The following FAM227A variants were observed in gnomAD, a reference collection of about 807,000 sequenced individuals.
FAM227A encodes protein FAM227A.
FAM227A carries 80 observed loss-of-function variants against 74.7 expected under a neutral mutation model. The observed-to-expected ratio is 1.07, with a 90% CI of 0.89 to 1.29. The LOEUF (loss-of-function observed/expected upper bound fraction) is 1.29. Ranked by LOEUF, FAM227A falls within the 50% of genes most tolerant of loss-of-function variation. The pLI, the probability that FAM227A is intolerant of heterozygous loss-of-function variation, is 0.00. For synonymous variants in FAM227A, 237 were observed against 241.8 expected, an observed-to-expected ratio of 0.98 and a Z score of 0.19; for missense variants, 654 against 683.4, an observed-to-expected ratio of 0.96 and a Z score of 0.48.
intron 8 of FAM227A, among the ~76,000 whole-genome samples, chr22:38,626,891 A>AAAAAATATATAT (rs1555966996): frequency 2.4e-4 from 14 of 57,686 alleles, no homozygotes; most frequent in African/African-American, 1.1e-3. Flanking sequence ...AAAAAAAAAA[A>AAAAAATATATAT]ATATATATAT....
intron 11 of FAM227A, among the ~76,000 whole-genome samples, chr22:38,608,155 C>CAAAAAAAAA (rs35387385): frequency 1.3e-5 from 1 of 76,926 alleles, no homozygotes; most frequent in African/African-American, 4.7e-5. Flanking sequence ...CTTTTCTCTA[C>CAAAAAAAAA]AAAAAAAAAA....
intron 5 of FAM227A, 84 bp downstream of exon 5, chr22:38,638,662 A>C: frequency 1.0e-6 from 1 of 999,458 alleles, no homozygotes; most frequent in South Asian, 1.4e-5. Context: ...CCAGGCACCA[A>C]GTATTCTCCT....
chr22:38,645,217 C>A (rs767095310), intron 3 of FAM227A, among the ~76,000 whole-genome samples: 15 of 151,666 alleles, frequency 9.9e-5, no homozygotes, highest in Non-Finnish European at 1.6e-4. Flanking sequence ...TGGTGAAACC[C>A]CGTCTCTACT....
intron 6 of FAM227A, among the ~76,000 whole-genome samples, chr22:38,636,122 AAAAG>A (rs1037939077): frequency 1.3e-5 from 2 of 151,744 alleles, no homozygotes; most frequent in Non-Finnish European, 2.9e-5. Flanking sequence ...AAGAAAAGAA[AAAAG>A]AGAGATTAAG....
intron 9 of FAM227A, among the ~76,000 whole-genome samples, chr22:38,625,943 C>CAA (rs141715277): frequency 0.068 from 4,851 of 71,404 alleles, 178 homozygotes; most frequent in East Asian, 0.14. Context: ...ACTCTATCTC[C>CAA]AAAAAAAAAA....
intron 14 of FAM227A, among the ~76,000 whole-genome samples, chr22:38,599,141 T>C (rs565638525): frequency 2.7e-3 from 406 of 152,142 alleles, no homozygotes; most frequent in Non-Finnish European, 4.6e-3. Context: ...TTTGTATTTT[T>C]AGTAGAGACG....
At chr22:38,655,402 G>T (rs1025240933) in intron 1 of FAM227A, among the ~76,000 whole-genome samples, 5 of 151,700 alleles carry the variant, frequency 3.3e-5, no homozygotes, top group Admixed American at 3.3e-4. Context: ...ATGGTGGTGG[G>T]TGCCTGTAAT....
At chr22:38,636,638 T>A (rs773976552) in intron 5 of FAM227A, 41 bp from the exon 6 acceptor site, 1 of 1,533,218 alleles carries the variant, frequency 6.5e-7, no homozygotes, top group African/African-American at 1.4e-5. Flanking sequence ...GGTTCACATT[T>A]TGACAGTGTG....
chr22:38,613,062 T>A (rs1465244114), intron 11 of FAM227A, among the ~76,000 whole-genome samples: 1 of 107,408 alleles, frequency 9.3e-6, no homozygotes, highest in East Asian at 2.3e-4. Context: ...ATTATATATA[T>A]GTAAATATAT....
At chr22:38,646,459 T>G (rs1387868704) in intron 2 of FAM227A, among the ~76,000 whole-genome samples, 1 of 150,616 alleles carries the variant, frequency 6.6e-6, no homozygotes, top group Non-Finnish European at 1.5e-5. Flanking sequence ...AGACGGGGTT[T>G]CACCGTTTTA....
intron 15 of FAM227A, among the ~76,000 whole-genome samples, chr22:38,595,974 G>T (rs866586570): frequency 6.6e-6 from 1 of 150,722 alleles, no homozygotes; most frequent in Non-Finnish European, 1.5e-5. Context: ...CTAATAAGGG[G>T]GGGGGGGCAG....
intron 6 of FAM227A, among the ~76,000 whole-genome samples, chr22:38,629,628 C>T (rs1456922623): frequency 2.6e-5 from 4 of 152,248 alleles, no homozygotes; most frequent in Admixed American, 6.5e-5. Flanking sequence ...GGTTCCAAAG[C>T]GAGTAGCCTG....
chr22:38,654,079 T>C (rs1199477591), intron 1 of FAM227A, among the ~76,000 whole-genome samples: 2 of 152,090 alleles, frequency 1.3e-5, no homozygotes, highest in Non-Finnish European at 2.9e-5. Context: ...CCGGGCGCGG[T>C]GGCTCACACC....
chr22:38,587,908 T>TAAAA (rs1436182424), intron 16 of FAM227A, among the ~76,000 whole-genome samples: 1 of 152,166 alleles, frequency 6.6e-6, no homozygotes, highest in African/African-American at 2.4e-5. Flanking sequence ...CAGTGAAACA[T>TAAAA]AAATCGATCA....
intron 8 of FAM227A, 89 bp downstream of exon 8, chr22:38,628,149 A>G (rs1412366966): frequency 2.5e-6 from 2 of 788,336 alleles, no homozygotes; most frequent in South Asian, 1.6e-5. Context: ...TTACTCCCTT[A>G]TGTAAAGAAT....
chr22:38,588,085 A>G (rs951129266), intron 16 of FAM227A, among the ~76,000 whole-genome samples: 25 of 152,212 alleles, frequency 1.6e-4, no homozygotes, highest in African/African-American at 5.3e-4. Flanking sequence ...TTTATGATAA[A>G]CCCACAGATA....
chr22:38,597,350 G>A lies in FAM227A; in HGVS notation c.1386C>T (p.Cys462=). Residue 462 remains cysteine (C), a synonymous_variant, in exon 15 of 17, where the codon TGC becomes TGT. Transcript: ENST00000535113. ...TGATGACATCAGTATACGTTGGGGT[G>A]CAGTCAGTGGCTTCCGCTGTCAAGG... ...RREKTTSTPD[C]TPTYTDVISE... The A allele has an allele frequency of 1.9e-6, 3 of 1,551,806 alleles. No individual in the cohort carries two copies. The highest frequency in any genetic ancestry group is 2.6e-6 in the Non-Finnish European group (3 of 1,147,018).
intron 9 of FAM227A, among the ~76,000 whole-genome samples, chr22:38,625,897 C>A (rs953441470): frequency 1.3e-5 from 2 of 148,156 alleles, no homozygotes; most frequent in South Asian, 4.3e-4. Flanking sequence ...GAGCCCAGAT[C>A]GCACCATTGC....
intron 5 of FAM227A, among the ~76,000 whole-genome samples, chr22:38,637,973 C>T (rs571635468): frequency 6.6e-6 from 1 of 152,128 alleles, no homozygotes; most frequent in African/African-American, 2.4e-5. Flanking sequence ...TCGAGACCAG[C>T]CTAGCCAACA....
Sources: gnomAD v4.1 joint callset for allele counts (sites outside exome capture counted in the v4.1 genomes callset) on GRCh38, gnomAD v4.1.1 for gene constraint, MANE v1.5 for transcripts, NCBI Gene and HGNC (gene_info 2026-07-23, HGNC 2026-07-21) for gene names.